The following NPAS3 variants were observed in gnomAD, a reference collection of about 807,000 sequenced individuals.
NPAS3 encodes the protein neuronal PAS domain protein 3.
NPAS3 carries 14 observed loss-of-function variants against 73.1 expected under a neutral mutation model. The observed-to-expected ratio is 0.19, with a 90% CI of 0.13 to 0.30. The LOEUF (loss-of-function observed/expected upper bound fraction) is 0.30. Among genes scored for constraint, NPAS3 ranks in the 10% least tolerant of loss-of-function variants. NPAS3 has a pLI of 1.00. For synonymous variants in NPAS3, 620 were observed against 541.5 expected (o/e 1.14, Z -2.01); for missense variants, 1,096 against 1,250.0 (o/e 0.88, Z 1.86).
chr14:33,579,892 T>C (rs994987035), intron 5 of NPAS3, among the ~76,000 whole-genome samples: 2 of 152,192 alleles, frequency 1.3e-5, no homozygotes, highest in Non-Finnish European at 2.9e-5. Flanking sequence ...TTTGAAAGCA[T>C]CTGGATGTTT....
intron 2 of NPAS3, among the ~76,000 whole-genome samples, chr14:33,205,458 T>C (rs2046787854): frequency 1.3e-5 from 2 of 152,208 alleles, no homozygotes; most frequent in South Asian, 2.1e-4. Context: ...CCTTTGGATA[T>C]GTAGTTGCTA....
At chr14:33,600,927 T>C (rs990435035) in intron 5 of NPAS3, among the ~76,000 whole-genome samples, 3 of 152,104 alleles carry the variant, frequency 2.0e-5, no homozygotes, top group Admixed American at 6.5e-5. Context: ...CCTTGAAGGA[T>C]AGGAGAGGTG....
chr14:33,299,363 A>T (rs2042432068), intron 3 of NPAS3, among the ~76,000 whole-genome samples: 1 of 152,186 alleles, frequency 6.6e-6, no homozygotes, highest in Non-Finnish European at 1.5e-5. Flanking sequence ...AGCAATGGAC[A>T]TCTGAGTCTT....
At chr14:33,262,041 A>C (rs2139961028) in intron 3 of NPAS3, among the ~76,000 whole-genome samples, 1 of 152,324 alleles carries the variant, frequency 6.6e-6, no homozygotes, top group East Asian at 1.9e-4. Flanking sequence ...CATTGGCTTT[A>C]AAAATAACTC....
At chr14:33,348,924 G>T (rs985588837) in intron 3 of NPAS3, among the ~76,000 whole-genome samples, 9 of 152,088 alleles carry the variant, frequency 5.9e-5, no homozygotes, top group African/African-American at 2.2e-4. Context: ...GTTAGGTCCC[G>T]GCTCCCTCCT....
At chr14:33,165,778 C>G (rs2045114357) in intron 2 of NPAS3, among the ~76,000 whole-genome samples, 1 of 151,972 alleles carries the variant, frequency 6.6e-6, no homozygotes, top group Non-Finnish European at 1.5e-5. Context: ...CCTCCTTCCC[C>G]CAAACAAAAC....
Position 33,315,229 on chromosome 14 carries a change from TA to T in NPAS3, c.386-51956del, listed in dbSNP as rs1202633833. 2.6e-5 allele frequency among the ~76,000 whole-genome samples: 4 copies of T among 152,072 alleles called. No individual in the cohort carries two copies. The East Asian group carries it at 7.7e-4, about 29-fold the overall frequency. ...AGCAAACAAATGTTTATCTGGAATT[TA>T]TGGGAAATATTAAGTATTTTTAAGA... On this transcript the variant is annotated intron_variant, in intron 3 of 11. Transcript: ENST00000356141.
intron 3 of NPAS3, among the ~76,000 whole-genome samples, chr14:33,239,663 C>A (rs1241166428): frequency 6.6e-6 from 1 of 151,850 alleles, no homozygotes; most frequent in East Asian, 1.9e-4. Context: ...TATAGAACAT[C>A]TGACTGCTGT....
intron 2 of NPAS3, 127 bp downstream of exon 2, chr14:33,056,121 C>G (rs11412096): frequency 2.1e-6 from 1 of 483,694 alleles, no homozygotes; most frequent in South Asian, 3.3e-5. Context: ...GAAAAAAAAA[C>G]AAAAAAACAA....
At chr14:33,197,267 G>GTGTGTGTT (rs1555353807) in intron 2 of NPAS3, among the ~76,000 whole-genome samples, 4,661 of 148,728 alleles carry the variant, frequency 0.031, 126 homozygotes, top group South Asian at 0.04. Context: ...GTGTGTGTGT[G>GTGTGTGTT]TTCTTTTTCA....
chr14:33,753,359 A>T (rs1454064696), intron 7 of NPAS3, among the ~76,000 whole-genome samples: 6 of 61,724 alleles, frequency 9.7e-5, no homozygotes, highest in Non-Finnish European at 1.8e-4. Context: ...TTAAATTGAT[A>T]AAAAAAAAAA....
At chr14:33,578,677 A>G (rs2056545112) in intron 5 of NPAS3, among the ~76,000 whole-genome samples, 1 of 152,242 alleles carries the variant, frequency 6.6e-6, no homozygotes, top group South Asian at 2.1e-4. Flanking sequence ...TCCTGCAATC[A>G]GGGGTTTTCC....
At chr14:33,536,620 A>G (rs1011394211) in intron 4 of NPAS3, among the ~76,000 whole-genome samples, 5 of 151,766 alleles carry the variant, frequency 3.3e-5, no homozygotes, top group Non-Finnish European at 7.4e-5. Context: ...CTAGACTATA[A>G]TGCAAGATTT....
At chr14:33,056,245 G>A (rs565261611) in intron 2 of NPAS3, among the ~76,000 whole-genome samples, 1 of 152,120 alleles carries the variant, frequency 6.6e-6, no homozygotes, top group East Asian at 1.9e-4. Context: ...TTTAACGACT[G>A]TATTAAAGCT....
intron 2 of NPAS3, among the ~76,000 whole-genome samples, chr14:33,115,254 G>A (rs17539217): frequency 1.1e-4 from 16 of 152,110 alleles, no homozygotes; most frequent in Admixed American, 2.0e-4. Context: ...TGAGAGAAAC[G>A]TTTCAACACA....
chr14:33,242,592 C>T (rs1006803078), intron 3 of NPAS3, among the ~76,000 whole-genome samples: 8 of 151,942 alleles, frequency 5.3e-5, no homozygotes, highest in Admixed American at 2.6e-4. Context: ...AGAAGGTAAG[C>T]GAGAAGAGAG....
intron 1 of NPAS3, among the ~76,000 whole-genome samples, chr14:32,964,160 TAAAAAAAAAA>T (rs34380538): frequency 1.3e-5 from 1 of 75,442 alleles, no homozygotes; most frequent in African/African-American, 5.4e-5. Context: ...TTTGCTGCAC[TAAAAAAAAAA>T]AAAAAAAAAA....
chr14:33,045,719 G>C (rs2040485387), intron 1 of NPAS3, among the ~76,000 whole-genome samples: 1 of 152,110 alleles, frequency 6.6e-6, no homozygotes, highest in Non-Finnish European at 1.5e-5. Context: ...ATTTTTTTCA[G>C]CTAAAAATAG....
chr14:33,674,119 A>G (rs1056626495), intron 5 of NPAS3, among the ~76,000 whole-genome samples: 1 of 152,114 alleles, frequency 6.6e-6, no homozygotes, highest in Non-Finnish European at 1.5e-5. Flanking sequence ...ACATTATTGT[A>G]TAGGAAGGAA....
Sources: allele counts gnomAD v4.1 joint callset (sites outside exome capture counted in the v4.1 genomes callset), GRCh38; gene constraint gnomAD v4.1.1; transcripts MANE v1.5; gene names NCBI Gene and HGNC (gene_info 2026-07-23, HGNC 2026-07-21).